The following MRTFB variants were observed in gnomAD, a reference collection of about 807,000 sequenced individuals.
MRTFB encodes the protein myocardin related transcription factor B, also known as myocardin-related transcription factor B.
In MRTFB, 29 loss-of-function variants were observed where a neutral mutation model predicts 104.2. The observed-to-expected ratio is 0.28, with a 90% CI of 0.21 to 0.38. The LOEUF is 0.38. MRTFB is among the 10% of genes least tolerant of loss of function. The pLI is 1.00. For missense variants in MRTFB, 1,270 were observed against 1,341.6 expected (o/e 0.95, Z 0.83); for synonymous variants, 535 against 519.5 (o/e 1.03, Z -0.41).
chr16:14,016,665 C>T, the MRTFB span, among the ~76,000 whole-genome samples: 2 of 148,782 alleles, frequency 1.3e-5, no homozygotes, highest in Non-Finnish European at 3.0e-5. Context: ...CCCAGGTACT[C>T]GGGAGGCTGA....
At chr16:14,005,784 A>G in the MRTFB span, among the ~76,000 whole-genome samples, 2 of 152,222 alleles carry the variant, frequency 1.3e-5, no homozygotes, top group South Asian at 2.1e-4. Context: ...CAGTCCCCCA[A>G]TTCATCCATC....
intron 4 of MRTFB, among the ~76,000 whole-genome samples, chr16:14,210,706 G>A (rs1372195053): frequency 6.6e-6 from 1 of 152,080 alleles, no homozygotes; most frequent in Non-Finnish European, 1.5e-5. Context: ...TTTAGTTCCA[G>A]TTAATTATAT....
chr16:14,261,669 G>C lies in MRTFB; in HGVS notation c.*225G>C, dbSNP rs1006404981. On this transcript the variant is annotated 3_prime_UTR_variant, in exon 17 of 17. Transcript: ENST00000571589. ...CATAGCACAGGGCCTTCTGAAAATC[G>C]CACTTGTCAAAGACGACTCATCTAT... 4 of 458,998 alleles carry C rather than the reference G, an allele frequency of 8.7e-6. No individual in the cohort carries two copies. The highest frequency in any genetic ancestry group is 5.8e-5 in the South Asian group (1 of 17,364). 28.4% of individuals were successfully genotyped at this position (458,998 alleles called of 1,614,324 possible). A position where few individuals can be genotyped will look rare whatever the true frequency, so the allele number is the denominator to read the frequency against.
intron 3 of MRTFB, among the ~76,000 whole-genome samples, chr16:14,197,375 C>G (rs1329335302): frequency 6.6e-6 from 1 of 152,090 alleles, no homozygotes; most frequent in African/African-American, 2.4e-5. Context: ...CTCATAGCCC[C>G]TCCTTTTTAG....
intron 2 of MRTFB, among the ~76,000 whole-genome samples, chr16:14,118,032 A>G (rs900736949): frequency 1.3e-5 from 2 of 152,182 alleles, no homozygotes; most frequent in African/African-American, 2.4e-5. Flanking sequence ...GATTTACATT[A>G]AAAGAAAAAA....
chr16:14,207,481 A>G (rs555369913), intron 3 of MRTFB, among the ~76,000 whole-genome samples: 1 of 152,284 alleles, frequency 6.6e-6, no homozygotes, highest in South Asian at 2.1e-4. Flanking sequence ...ATCATTTGTT[A>G]TACATTTGGT....
intron 3 of MRTFB, chr16:14,200,296 C>T: frequency 6.3e-7 from 1 of 1,598,832 alleles, no homozygotes; most frequent in East Asian, 2.2e-5. Flanking sequence ...GAGTTCCGAC[C>T]CGGACCCGTA....
intron 2 of MRTFB, among the ~76,000 whole-genome samples, chr16:14,127,759 C>CT (rs1265473775): frequency 4.6e-5 from 7 of 150,966 alleles, no homozygotes; most frequent in Non-Finnish European, 8.9e-5. Context: ...CTCCTTTCCT[C>CT]TTTCTCCAGG....
chr16:14,241,818 C>T (rs1259098170), intron 10 of MRTFB, among the ~76,000 whole-genome samples: 1 of 151,834 alleles, frequency 6.6e-6, no homozygotes, highest in East Asian at 1.9e-4. Context: ...GCAGGCAGGC[C>T]CGAGTGAGCT....
intron 2 of MRTFB, among the ~76,000 whole-genome samples, chr16:14,092,369 A>G (rs988750680): frequency 1.3e-5 from 2 of 152,156 alleles, no homozygotes; most frequent in Admixed American, 1.3e-4. Context: ...GTTTGATTGG[A>G]TCTCAGGTAA....
intron 2 of MRTFB, among the ~76,000 whole-genome samples, chr16:14,115,881 C>T (rs977519862): frequency 1.4e-4 from 21 of 152,156 alleles, no homozygotes; most frequent in African/African-American, 4.3e-4. Context: ...TTGAGTGCTT[C>T]CCCTCCCCTC....
At chr16:14,079,247 G>A (rs1293161653) in intron 1 of MRTFB, 43 bp from the exon 2 acceptor site, 1 of 337,782 alleles carries the variant, frequency 3.0e-6, no homozygotes, top group East Asian at 3.9e-5. Flanking sequence ...CTGGCATGTA[G>A]TAGGTGCTCA....
At chr16:14,071,694 G>A (rs1438280454) in intron 1 of MRTFB, among the ~76,000 whole-genome samples, 13 of 152,120 alleles carry the variant, frequency 8.5e-5, no homozygotes, top group Non-Finnish European at 1.5e-5. Flanking sequence ...CTGTGTGCCG[G>A]GCACTTAAGT....
chr16:14,050,120 CAT>C, the MRTFB span, among the ~76,000 whole-genome samples: 1 of 152,110 alleles, frequency 6.6e-6, no homozygotes, highest in African/African-American at 2.4e-5. Context: ...TGTATATACA[CAT>C]AGACTTATAG....
intron 3 of MRTFB, among the ~76,000 whole-genome samples, chr16:14,161,207 G>A (rs542054917): frequency 6.8e-6 from 1 of 147,520 alleles, no homozygotes; most frequent in South Asian, 2.1e-4. Flanking sequence ...ATGCCATCAT[G>A]AAGTAGGTGA....
chr16:14,189,015 T>G (rs2040061704), intron 3 of MRTFB, among the ~76,000 whole-genome samples: 1 of 152,194 alleles, frequency 6.6e-6, no homozygotes, highest in Non-Finnish European at 1.5e-5. Flanking sequence ...TGCACTGAAC[T>G]GGGTTTTGCT....
chr16:14,260,874 C>T, intron 16 of MRTFB, 35 bp from the exon 17 acceptor site: 1 of 1,532,248 alleles, frequency 6.5e-7, no homozygotes, highest in Non-Finnish European at 8.8e-7. Flanking sequence ...AGTAGTAAAT[C>T]TTCAGTTACT....
the MRTFB span, among the ~76,000 whole-genome samples, chr16:14,009,999 T>C: frequency 6.6e-6 from 1 of 152,186 alleles, no homozygotes; most frequent in African/African-American, 2.4e-5. Context: ...GAAACCCTCT[T>C]CCTTTTTCAT....
At chr16:14,090,621 TATA>T (rs1199151760) in intron 2 of MRTFB, among the ~76,000 whole-genome samples, 5 of 152,072 alleles carry the variant, frequency 3.3e-5, no homozygotes, top group Non-Finnish European at 7.4e-5. Flanking sequence ...GAGAATACTT[TATA>T]GAAGAGTTGG....
Sources: allele counts gnomAD v4.1 joint callset (sites outside exome capture counted in the v4.1 genomes callset), GRCh38; gene constraint gnomAD v4.1.1; transcripts MANE v1.5; gene names NCBI Gene and HGNC (gene_info 2026-07-23, HGNC 2026-07-21).